Variants in SEMA4A observed in about 807,000 individuals in gnomAD.
SEMA4A encodes the protein semaphorin 4A.
Under a neutral mutation model 72.5 loss-of-function variants are expected in SEMA4A, and 52 were observed. That is an observed-to-expected ratio of 0.72 (90% CI 0.57 to 0.90). SEMA4A has a LOEUF of 0.90. SEMA4A is among the 40% of genes least tolerant of loss of function. SEMA4A has a pLI of 0.00. For synonymous variants in SEMA4A, 369 were observed against 393.1 expected, an observed-to-expected ratio of 0.94 and a Z score of 0.73; for missense variants, 926 against 959.7, an observed-to-expected ratio of 0.96 and a Z score of 0.46.
chr1:156,158,576 G>A (rs2102947360), intron 5 of SEMA4A, 90 bp downstream of exon 5: 1 of 1,343,284 alleles, frequency 7.4e-7, no homozygotes, highest in East Asian at 2.3e-5. Flanking sequence ...GAAAACTCTG[G>A]CCTTCCAGAT....
At chr1:156,161,309 C>CGGGGGGGGGGGGGGGGGGG in intron 8 of SEMA4A, 37 bp from the exon 9 acceptor site, 7 of 1,302,406 alleles carry the variant, frequency 5.4e-6, no homozygotes, top group East Asian at 5.6e-5. Context: ...GGGGTCGGGG[C>CGGGGGGGGGGGGGGGGGGG]GCCCGGGGCG....
chr1:156,175,003 C>A (rs558163841), intron 12 of SEMA4A, 63 bp downstream of exon 12: 1 of 1,614,182 alleles, frequency 6.2e-7, no homozygotes, highest in Non-Finnish European at 8.5e-7. Flanking sequence ...GCCTGTTGGG[C>A]TGGCTCCCTG....
Position 156,154,589 on chromosome 1 carries a change from C to T in SEMA4A, c.11C>T (p.Pro4Leu), listed in dbSNP as rs147362942. MAL[P>L]ALGLDPWSLL... ...AGTCTGTGGCTGAGCATGGCCCTCCCAGCCCTGGGCCTGGACCCCTGGAGC... is the reference window on the plus strand; with the variant it reads ...AGTCTGTGGCTGAGCATGGCCCTCCTAGCCCTGGGCCTGGACCCCTGGAGC... The change falls in exon 2 of 15, where the codon CCA becomes CTA. Residue 4 changes from proline to leucine, a missense_variant. By Grantham distance (98) the Pro-to-Leu change is moderately conservative. Coordinates refer to ENST00000368285, the MANE Select transcript of SEMA4A (RefSeq NM_022367.4). 57 of 1,610,382 alleles carry T rather than the reference C, an allele frequency of 3.5e-5. No homozygotes were observed. Among genetic ancestry groups the T allele is most frequent in the Non-Finnish European group, 4.5e-5 (53 of 1,179,414 alleles).
At chr1:156,154,886 A>T in intron 2 of SEMA4A, 169 bp downstream of exon 2, 1 of 916,516 alleles carries the variant, frequency 1.1e-6, no homozygotes, top group Non-Finnish European at 1.6e-6. Flanking sequence ...ACACAGCCAG[A>T]AACAGAAGTC....
At chr1:156,147,637 G>A (rs1478941187), upstream of SEMA4A, among the ~76,000 whole-genome samples, 10 of 151,832 alleles carry the variant, frequency 6.6e-5, no homozygotes, top group Non-Finnish European at 1.5e-5. Context: ...GGATGCCTGG[G>A]TCTCCTCCCT....
At chr1:156,172,600 C>A (rs1476634839) in intron 10 of SEMA4A, among the ~76,000 whole-genome samples, 1 of 152,158 alleles carries the variant, frequency 6.6e-6, no homozygotes, top group Non-Finnish European at 1.5e-5. Flanking sequence ...TCCCAGCGAG[C>A]CTATGAGGCA....
Position 156,161,033 on chromosome 1 carries a change from C to A in SEMA4A, c.810+4C>A, listed in dbSNP as rs776462299. 2.5e-6 allele frequency: 4 copies of A among 1,606,418 alleles called. No homozygotes were observed. Among genetic ancestry groups the A allele is most frequent in the Non-Finnish European group, 3.4e-6 (4 of 1,177,784 alleles). ...GCGGGTGGCTAGAGTCTGCAAGGTC[C>A]GCGGCCTGGGCGGGGGGCGGGGCTA... On this transcript the variant is annotated splice_donor_region_variant and intron_variant, in intron 8 of 14. Transcript: ENST00000368285.
At chr1:156,172,412 A>G (rs997047408) in intron 10 of SEMA4A, among the ~76,000 whole-genome samples, 4 of 152,130 alleles carry the variant, frequency 2.6e-5, no homozygotes, top group African/African-American at 9.7e-5. Context: ...CACTGCGCCC[A>G]GCCATAAAAC....
At chr1:156,169,111 C>T (rs1046218229) in intron 10 of SEMA4A, among the ~76,000 whole-genome samples, 9 of 152,200 alleles carry the variant, frequency 5.9e-5, no homozygotes, top group Non-Finnish European at 1.2e-4. Flanking sequence ...TGGAGAGTAC[C>T]TGCCTGTTTC....
chr1:156,162,636 G>A (rs1653772793), intron 9 of SEMA4A, among the ~76,000 whole-genome samples: 1 of 152,268 alleles, frequency 6.6e-6, no homozygotes, highest in African/African-American at 2.4e-5. Context: ...CCTCCAATGG[G>A]TGCAGCCCAG....
rs569267000 is a variant in SEMA4A at position 156,170,780 on chromosome 1, G to A, written c.1135-2046G>A. Among the ~76,000 whole-genome samples the A allele has an allele frequency of 4.0e-5, 6 of 151,486 alleles. No individual in the cohort carries two copies. The South Asian group carries it at 1.3e-3, about 32-fold the overall frequency. Reference sequence around the variant, plus strand: ...AAAAAAAAAAAAAAAAATTAGCCAGGCACAGTGGCACACACCTGTGGTTCC... The same window carrying A: ...AAAAAAAAAAAAAAAAATTAGCCAGACACAGTGGCACACACCTGTGGTTCC... On this transcript the variant is annotated intron_variant, in intron 10 of 14. Coordinates refer to ENST00000368285, the MANE Select transcript of SEMA4A (RefSeq NM_022367.4).
intron 9 of SEMA4A, among the ~76,000 whole-genome samples, chr1:156,161,987 G>T (rs983329987): frequency 1.3e-5 from 2 of 152,216 alleles, no homozygotes; most frequent in Non-Finnish European, 2.9e-5. Flanking sequence ...AGTCGGCCGG[G>T]TGCGGTGGCT....
upstream of SEMA4A, among the ~76,000 whole-genome samples, chr1:156,148,675 A>C (rs78715770): frequency 6.6e-6 from 1 of 152,172 alleles, no homozygotes; most frequent in Non-Finnish European, 1.5e-5. Context: ...TCTGCCCAGC[A>C]TCACACAGCA....
At chr1:156,159,332 T>TCAAAA (rs1653361524) in intron 6 of SEMA4A, among the ~76,000 whole-genome samples, 2 of 151,648 alleles carry the variant, frequency 1.3e-5, no homozygotes, top group Admixed American at 1.3e-4. Flanking sequence ...AGACTCTGTC[T>TCAAAA]CAAAACAAAA....
At chr1:156,167,361 G>A (rs1214444240) in intron 10 of SEMA4A, among the ~76,000 whole-genome samples, 2 of 151,030 alleles carry the variant, frequency 1.3e-5, no homozygotes, top group Non-Finnish European at 2.9e-5. Context: ...GTTGTGCCAC[G>A]TGCCTGTAGT....
intron 12 of SEMA4A, 49 bp from the exon 13 acceptor site, chr1:156,175,037 T>C: frequency 6.2e-7 from 1 of 1,614,200 alleles, no homozygotes; most frequent in Non-Finnish European, 8.5e-7. Context: ...GTGCTGGGAC[T>C]TTACTAGATG....
At chr1:156,161,224 T>A in intron 8 of SEMA4A, 122 bp from the exon 9 acceptor site, 1 of 296,216 alleles carries the variant, frequency 3.4e-6, no homozygotes, top group Non-Finnish European at 5.4e-6. Flanking sequence ...GGGGGCGGGG[T>A]GGGGACACGC....
Position 156,158,111 on chromosome 1 carries a change from CT to C in SEMA4A, c.345del (p.Phe115LeufsTer84). 6.2e-7 allele frequency: 1 copy of C among 1,614,144 alleles called. No individual in the cohort carries two copies. Among genetic ancestry groups the C allele is most frequent in the Non-Finnish European group, 8.5e-7 (1 of 1,180,026 alleles). On this transcript the variant is annotated frameshift_variant, in exon 4 of 15. Transcript: ENST00000368285. LOFTEE classifies it high-confidence loss of function. ...GTGACAGAAAAAAGAGTGAATGTGC[CT>C]TTAAGAAGAAGAGCAATGAGGTAAG... ...ASDRKKSECAFKKKSNETQCF... is the reference protein window; with the variant it reads ...ASDRKKSECAXKKKSNETQCF...
rs1463177454 is a variant in SEMA4A at position 156,157,331 on chromosome 1, C to A, written c.301-739C>A. Among the ~76,000 whole-genome samples, 2 of 152,022 alleles carry A rather than the reference C, an allele frequency of 1.3e-5. No individual in the cohort carries two copies. Among genetic ancestry groups the A allele is most frequent in the Non-Finnish European group, 2.9e-5 (2 of 67,998 alleles). On this transcript the variant is annotated intron_variant, in intron 3 of 14. Coordinates refer to ENST00000368285, the MANE Select transcript of SEMA4A (RefSeq NM_022367.4). The surrounding 1 kb of genome is among the most constrained non-coding windows in gnomAD (Gnocchi z 4.5). ...CCTGAGTAGCTGGGATTACAGGCGC[C>A]CGCCACTAGGCATGGCTGATTTTTC...
Sources: allele counts gnomAD v4.1 joint callset (sites outside exome capture counted in the v4.1 genomes callset), GRCh38; gene constraint gnomAD v4.1.1; non-coding constraint Gnocchi (gnomAD v3.1); transcripts MANE v1.5; gene names NCBI Gene and HGNC (gene_info 2026-07-23, HGNC 2026-07-21).